ZNF91: variants seen among roughly 807,000 people sequenced by gnomAD.
ZNF91 encodes the protein zinc finger protein 91 (HPF7, HTF10).
In ZNF91, 7 loss-of-function variants were observed where a neutral mutation model predicts 12.6. The ratio of observed to expected loss-of-function variants is 0.55; its 90% CI spans 0.31 to 1.04. ZNF91 has a LOEUF of 1.04. Among genes scored for constraint, ZNF91 ranks in the 50% least tolerant of loss-of-function variants. The probability of loss-of-function intolerance (pLI) is 0.05; values close to 1 mark genes in which losing one functional copy is unlikely to be tolerated. For synonymous variants in ZNF91, 453 were observed against 462.6 expected, an observed-to-expected ratio of 0.98 and a Z score of 0.27; for missense variants, 1,217 against 1,385.4, an observed-to-expected ratio of 0.88 and a Z score of 1.93.
At position 23,359,112 on chromosome 19, in the gene ZNF91, T is replaced by C; in HGVS notation, c.*291A>G. The C allele has an allele frequency of 5.4e-6, 3 of 557,700 alleles. No homozygotes were observed. The highest frequency in any genetic ancestry group is 1.0e-5 in the Non-Finnish European group (3 of 292,512). 34.5% of individuals were successfully genotyped at this position (557,700 alleles called of 1,614,324 possible). ...AAAAGGATTTGCCACATTCTTCACA[T>C]TTGTAGAGTTTTACTCCAGTATGAA... is the stretch of plus-strand genomic sequence containing the variant. On this transcript the variant is annotated 3_prime_UTR_variant, in exon 4 of 4. Coordinates refer to ENST00000300619, the MANE Select transcript of ZNF91 (RefSeq NM_003430.4).
chr19:23,394,444 A>C (rs2145150184), intron 1 of ZNF91, among the ~76,000 whole-genome samples: 1 of 152,208 alleles, frequency 6.6e-6, no homozygotes, highest in South Asian at 2.1e-4. Context: ...AAAATTAAGA[A>C]ACTAGGCCAG....
In ZNF91 at chr19:23,361,645, C is replaced by G. The variant is rs1427942998; in HGVS notation, c.1334G>C (p.Trp445Ser). 3.1e-6 allele frequency: 5 copies of G among 1,609,556 alleles called. No homozygotes were observed. The highest frequency in any genetic ancestry group is 4.5e-5 in the East Asian group (2 of 44,544). Reference protein sequence around the residue: ...KCEECGKAFNWSSSLTKHKRF... With the variant: ...KCEECGKAFNSSSSLTKHKRF... ...TTTATGTTTAGTAAGGCTTGAGGAC[C>G]AGTTAAATGCTTTGCCACATTCTTC... Residue 445 changes from tryptophan (W) to serine (S), a missense_variant, in exon 4 of 4, where the codon TGG (tryptophan) becomes TCG (serine). By Grantham distance (177) the Trp-to-Ser change is radical. Coordinates refer to ENST00000300619, the MANE Select transcript of ZNF91 (RefSeq NM_003430.4).
At position 23,359,357 on chromosome 19, in the gene ZNF91, G is replaced by T. The variant is rs1260773280; in HGVS notation, c.*46C>A. On this transcript the variant is annotated 3_prime_UTR_variant, in exon 4 of 4. Coordinates refer to ENST00000300619, the MANE Select transcript of ZNF91 (RefSeq NM_003430.4). ...CCTGCCTCAGCCTCTCGCATAGCTG[G>T]GACTACAGGCGCCCGCCACCACGCC... 1 of 662,584 alleles carries T rather than the reference G, an allele frequency of 1.5e-6. No homozygotes were observed. The highest frequency in any genetic ancestry group is 2.5e-6 in the Non-Finnish European group (1 of 393,574). The allele number at this position is 662,584 out of a possible 1,614,324, so 41.0% of individuals were successfully genotyped here.
chr19:23,388,058 C>G (rs953771113), intron 1 of ZNF91, among the ~76,000 whole-genome samples: 3 of 151,110 alleles, frequency 2.0e-5, no homozygotes, highest in Admixed American at 2.0e-4. Context: ...CCAGCCTGGT[C>G]AACATGGTGA....
chr19:23,344,520 A>G (rs563854507), intron 3 of ZNF91, among the ~76,000 whole-genome samples: 1 of 152,356 alleles, frequency 6.6e-6, no homozygotes, highest in South Asian at 2.1e-4. Context: ...TTAGCATTCT[A>G]GAAGACACAT....
intron 1 of ZNF91, among the ~76,000 whole-genome samples, chr19:23,329,804 C>G (rs1303728132): frequency 6.6e-6 from 1 of 152,142 alleles, no homozygotes; most frequent in Non-Finnish European, 1.5e-5. Context: ...TTGGTACATG[C>G]TAGAAGCTGG....
chr19:23,315,836 T>C (rs1967548643), intron 1 of ZNF91, among the ~76,000 whole-genome samples: 1 of 152,158 alleles, frequency 6.6e-6, no homozygotes. Flanking sequence ...GGAAGTATTG[T>C]AGGAAATTTT....
Position 23,361,014 on chromosome 19 carries a change from C to T in ZNF91, c.1965G>A (p.Glu655=). ...CACATTCTTTACATTTGTAGGGTTT[C>T]TCTCCAGTATGAATTCTCTTATGTT... ...LAKHKRIHTG[E]KPYKCKECGK... The change falls in exon 4 of 4, where the codon GAG becomes GAA. Residue 655 remains glutamate, a synonymous_variant. Transcript: ENST00000300619. 1 of 1,603,310 alleles carries T rather than the reference C, an allele frequency of 6.2e-7. No homozygotes were observed. Among genetic ancestry groups the T allele is most frequent in the Non-Finnish European group, 8.5e-7 (1 of 1,171,440 alleles).
chr19:23,386,991 G>A (rs1191432314), intron 1 of ZNF91, among the ~76,000 whole-genome samples: 1 of 152,032 alleles, frequency 6.6e-6, no homozygotes, highest in East Asian at 1.9e-4. Flanking sequence ...AAGTAGACAA[G>A]AAACATGAAA....
At chr19:23,332,641 G>A (rs1220711346) in intron 1 of ZNF91, among the ~76,000 whole-genome samples, 2 of 151,706 alleles carry the variant, frequency 1.3e-5, no homozygotes, top group Non-Finnish European at 2.9e-5. Flanking sequence ...AAGTATAAGT[G>A]TGCCAGGACA....
rs937383320 is a variant in ZNF91 at position 23,358,544 on chromosome 19, C to T, written c.*859G>A. ...GATCAGTCGTTTGACAGTAATTACACTTCTTATTTAGTATGAACGCTCTGA... is the reference window on the plus strand; with the variant it reads ...GATCAGTCGTTTGACAGTAATTACATTTCTTATTTAGTATGAACGCTCTGA... On this transcript the variant is annotated 3_prime_UTR_variant, in exon 4 of 4. Coordinates refer to ENST00000300619, the MANE Select transcript of ZNF91 (RefSeq NM_003430.4). 4 of 152,190 alleles carry T rather than the reference C, an allele frequency of 2.6e-5. No homozygotes were observed. The highest frequency in any genetic ancestry group is 9.7e-5 in the African/African-American group (4 of 41,430). The allele number at this position is 152,190 out of a possible 1,614,324, so 9.4% of individuals were successfully genotyped here.
chr19:23,342,449 C>T (rs898668141), intron 3 of ZNF91, among the ~76,000 whole-genome samples: 21 of 152,160 alleles, frequency 1.4e-4, no homozygotes, highest in Non-Finnish European at 1.9e-4. Flanking sequence ...CTTAGCTCTA[C>T]TATCCAATAC....
chr19:23,348,329 A>G (rs1413829067), intron 3 of ZNF91, among the ~76,000 whole-genome samples: 1 of 152,242 alleles, frequency 6.6e-6, no homozygotes, highest in East Asian at 1.9e-4. Flanking sequence ...AAGCCGTGGC[A>G]GAAGAACATT....
chr19:23,317,138 C>T (rs1381840256), intron 1 of ZNF91, among the ~76,000 whole-genome samples: 40 of 152,046 alleles, frequency 2.6e-4, no homozygotes, highest in Admixed American at 6.5e-4. Flanking sequence ...CTCCGCCTCC[C>T]GGGTTCATGC....
Position 23,361,083 on chromosome 19 carries a change from A to C in ZNF91, c.1896T>G (p.Cys632Trp). The C allele has an allele frequency of 6.2e-7, 1 of 1,613,904 alleles. No homozygotes were observed. The highest frequency in any genetic ancestry group is 8.5e-7 in the Non-Finnish European group (1 of 1,179,936). ...GGCTAAAAGCTTTGCCACATTCTTC[A>C]CATTTGTAGGGTTTCTCTCCAGTGT... Reference protein sequence around the residue: ...RIHTGEKPYKCEECGKAFSHS... With the variant: ...RIHTGEKPYKWEECGKAFSHS... The change falls in exon 4 of 4, where the codon TGT becomes TGG. Residue 632 changes from cysteine (C) to tryptophan (W), a missense_variant. Physicochemically the swap from Cys to Trp is radical, Grantham distance 215. Coordinates refer to ENST00000300619, the MANE Select transcript of ZNF91 (RefSeq NM_003430.4).
At chr19:23,334,237 A>G (rs1482185213), downstream of ZNF91, among the ~76,000 whole-genome samples, 1 of 152,118 alleles carries the variant, frequency 6.6e-6, no homozygotes, top group Non-Finnish European at 1.5e-5. Context: ...AAGAGAATAT[A>G]GTTTGGAAGT....
chr19:23,310,724 C>T (rs1450450521), upstream of ZNF91: 1 of 152,012 alleles, frequency 6.6e-6, no homozygotes, highest in African/African-American at 2.4e-5. Flanking sequence ...TCTACTCTTT[C>T]CTTGACAATG....
At chr19:23,314,583 C>T (rs944489895), upstream of ZNF91, among the ~76,000 whole-genome samples, 28 of 152,306 alleles carry the variant, frequency 1.8e-4, no homozygotes, top group Admixed American at 1.3e-4. Flanking sequence ...TCCTCTCATG[C>T]CTGGGCCCTG....
At chr19:23,316,916 A>T (rs1166845136) in intron 1 of ZNF91, among the ~76,000 whole-genome samples, 1 of 152,200 alleles carries the variant, frequency 6.6e-6, no homozygotes, top group Non-Finnish European at 1.5e-5. Context: ...ACGTGGACAG[A>T]GCCCACAGGT....
Sources: allele counts gnomAD v4.1 joint callset (sites outside exome capture counted in the v4.1 genomes callset), GRCh38; gene constraint gnomAD v4.1.1; transcripts MANE v1.5; gene names NCBI Gene and HGNC (gene_info 2026-07-23, HGNC 2026-07-21).